The following ZFYVE9 variants were observed in gnomAD, a reference collection of about 807,000 sequenced individuals.
ZFYVE9 encodes zinc finger FYVE domain-containing protein 9.
In ZFYVE9, 43 loss-of-function variants were observed where a neutral mutation model predicts 126.7. The observed-to-expected ratio is 0.34, with a 90% CI of 0.27 to 0.44. The LOEUF is 0.44. Ranked by LOEUF, ZFYVE9 falls within the 20% of genes least tolerant of loss-of-function variation. The pLI is 1.00. For synonymous variants in ZFYVE9, 521 were observed against 597.4 expected (o/e 0.87, Z 1.87); for missense variants, 1,476 against 1,697.0 (o/e 0.87, Z 2.29).
intron 13 of ZFYVE9, among the ~76,000 whole-genome samples, chr1:52,324,108 G>C (rs575412791): frequency 6.6e-6 from 1 of 151,968 alleles, no homozygotes; most frequent in South Asian, 2.1e-4. Context: ...AAGATAGCTG[G>C]GCATAGTGGT....
chr1:52,299,007 A>T (rs1430045838), intron 12 of ZFYVE9, among the ~76,000 whole-genome samples: 2 of 151,622 alleles, frequency 1.3e-5, no homozygotes, highest in African/African-American at 4.8e-5. Flanking sequence ...ACGGGGTTTC[A>T]CTGTGTTAGC....
intron 4 of ZFYVE9, among the ~76,000 whole-genome samples, chr1:52,263,179 A>C (rs1354746204): frequency 6.6e-6 from 1 of 152,102 alleles, no homozygotes; most frequent in Non-Finnish European, 1.5e-5. Flanking sequence ...CCAGGAACCA[A>C]GCCCAGAAGG....
chr1:52,318,701 A>G (rs12096334), intron 13 of ZFYVE9, among the ~76,000 whole-genome samples: 1 of 152,144 alleles, frequency 6.6e-6, no homozygotes, highest in Non-Finnish European at 1.5e-5. Flanking sequence ...CAAAATGGCC[A>G]CTAGATCTAC....
At chr1:52,197,709 A>G (rs1399754396) in intron 1 of ZFYVE9, among the ~76,000 whole-genome samples, 2 of 152,242 alleles carry the variant, frequency 1.3e-5, no homozygotes, top group African/African-American at 2.4e-5. Context: ...AAAATGTCAG[A>G]TGAAGTTAGG....
intron 1 of ZFYVE9, among the ~76,000 whole-genome samples, chr1:52,146,027 C>CCACACACACACACACACACACACA (rs1168051378): frequency 2.7e-5 from 4 of 146,182 alleles, no homozygotes; most frequent in African/African-American, 1.0e-4. Flanking sequence ...TCAAAAATAT[C>CCACACACACACACACACACACACA]CACACACACA....
intron 1 of ZFYVE9, chr1:52,162,433 G>C: frequency 3.9e-6 from 1 of 257,060 alleles, no homozygotes; most frequent in South Asian, 6.1e-5. Flanking sequence ...GCATTGTCTT[G>C]GTAATAGAAT....
chr1:52,334,579 T>C (rs1161590432), intron 14 of ZFYVE9, 109 bp from the exon 15 acceptor site: 2 of 1,140,780 alleles, frequency 1.8e-6, no homozygotes, highest in African/African-American at 3.1e-5. Flanking sequence ...TTTTTAAAAT[T>C]TTCTGTGTGA....
chr1:52,179,773 G>T, intron 1 of ZFYVE9: 1 of 462,694 alleles, frequency 2.2e-6, no homozygotes, highest in Non-Finnish European at 4.0e-6. Flanking sequence ...GAGTGTTCCT[G>T]TGGATAGGCT....
intron 13 of ZFYVE9, among the ~76,000 whole-genome samples, chr1:52,318,370 A>ATGTGTGTGTGTGTGTGTG (rs59683935): frequency 1.5e-4 from 21 of 144,400 alleles, no homozygotes; most frequent in African/African-American, 4.9e-4. Context: ...GCATGATTGT[A>ATGTGTGTGTGTGTGTGTG]TGTGTGTGTG....
intron 1 of ZFYVE9, among the ~76,000 whole-genome samples, chr1:52,150,922 T>C (rs924117438): frequency 2.0e-5 from 3 of 151,928 alleles, no homozygotes; most frequent in African/African-American, 7.2e-5. Context: ...AATAAAACAC[T>C]GCCAGTTTGA....
Position 52,237,555 on chromosome 1 carries a change from G to T in ZFYVE9, c.138G>T (p.Arg46=). 6.2e-7 allele frequency: 1 copy of T among 1,613,868 alleles called. No individual in the cohort carries two copies. The highest frequency in any genetic ancestry group is 1.3e-5 in the African/African-American group (1 of 74,986). The change falls in exon 4 of 19, where the codon CGG becomes CGT. Residue 46 remains arginine, a synonymous_variant. Coordinates refer to ENST00000287727, the MANE Select transcript of ZFYVE9 (RefSeq NM_004799.4). ...WNKILDPPSH[R]LSFNPTLASV... is the part of the protein sequence containing the mutation. ...AGATTCTAGATCCCCCTTCTCACCG[G>T]CTGTCATTTAACCCTACTTTGGCCA...
intron 13 of ZFYVE9, among the ~76,000 whole-genome samples, chr1:52,329,970 C>G (rs1646325630): frequency 6.6e-6 from 1 of 152,100 alleles, no homozygotes; most frequent in Non-Finnish European, 1.5e-5. Context: ...GGGTATGTGC[C>G]TGTAGTTCCA....
At chr1:52,212,718 T>G (rs1466853271) in intron 1 of ZFYVE9, among the ~76,000 whole-genome samples, 1 of 152,166 alleles carries the variant, frequency 6.6e-6, no homozygotes, top group Non-Finnish European at 1.5e-5. Context: ...TGAAAAGAAT[T>G]GTGCTGGGGC....
chr1:52,334,767 A>G lies in ZFYVE9; in HGVS notation c.3669A>G (p.Glu1223=), dbSNP rs1364863621. The change falls in exon 15 of 19, where the codon GAA becomes GAG. Residue 1223 remains glutamate, a splice_region_variant and synonymous_variant. Transcript: ENST00000287727. Reference sequence around the variant, plus strand: ...ACCTTGCCAAGTCCAGTATTGTGGAAGGTAAAGAATGAATTGTTCAGTCCT... The same window carrying G: ...ACCTTGCCAAGTCCAGTATTGTGGAGGGTAAAGAATGAATTGTTCAGTCCT... ...SGYLAKSSIV[E]DGVMVQITAE... The G allele has an allele frequency of 6.2e-7, 1 of 1,613,852 alleles. No individual in the cohort carries two copies. Among genetic ancestry groups the G allele is most frequent in the Non-Finnish European group, 8.5e-7 (1 of 1,179,838 alleles).
intron 1 of ZFYVE9, among the ~76,000 whole-genome samples, chr1:52,199,882 G>A (rs941674203): frequency 6.6e-6 from 1 of 152,186 alleles, no homozygotes; most frequent in Non-Finnish European, 1.5e-5. Flanking sequence ...TCTAATAGGT[G>A]TGTGGTGGAA....
intron 13 of ZFYVE9, among the ~76,000 whole-genome samples, chr1:52,315,851 T>C (rs1646178362): frequency 6.6e-6 from 1 of 152,172 alleles, no homozygotes; most frequent in Non-Finnish European, 1.5e-5. Context: ...GTATGTTGTG[T>C]AAGAAACATA....
chr1:52,310,972 T>TC (rs1646131499), intron 13 of ZFYVE9, among the ~76,000 whole-genome samples: 1 of 152,086 alleles, frequency 6.6e-6, no homozygotes, highest in South Asian at 2.1e-4. Flanking sequence ...ATCAAGGGAT[T>TC]CCCCCACTTC....
intron 1 of ZFYVE9, among the ~76,000 whole-genome samples, chr1:52,210,268 G>GA (rs894303590): frequency 8.5e-5 from 13 of 152,262 alleles, no homozygotes; most frequent in African/African-American, 2.9e-4. Context: ...TAATGAGTCA[G>GA]AAAAAATGCA....
chr1:52,266,366 G>C (rs887393572), intron 5 of ZFYVE9, among the ~76,000 whole-genome samples: 2 of 142,790 alleles, frequency 1.4e-5, no homozygotes, highest in African/African-American at 5.4e-5. Context: ...CAAAGTGCCG[G>C]GATTAGAAGC....
Sources: gnomAD v4.1 joint callset for allele counts (sites outside exome capture counted in the v4.1 genomes callset) on GRCh38, gnomAD v4.1.1 for gene constraint, MANE v1.5 for transcripts, NCBI Gene and HGNC (gene_info 2026-07-23, HGNC 2026-07-21) for gene names.